Variants in BACH2 observed in about 807,000 individuals in gnomAD.
BACH2 encodes BACH transcriptional regulator 2, also known as transcription regulator protein BACH2.
Under a neutral mutation model 61.8 loss-of-function variants are expected in BACH2, and 5 were observed. That is an observed-to-expected ratio of 0.08 (90% confidence interval 0.04 to 0.17). The LOEUF is 0.17. BACH2 is among the 10% of genes least tolerant of loss of function. The probability of loss-of-function intolerance (pLI) is 1.00; values close to 1 mark genes in which losing one functional copy is unlikely to be tolerated. For missense variants in BACH2, 824 were observed against 1,091.1 expected (o/e 0.76, Z 3.45); for synonymous variants, 446 against 440.1 (o/e 1.01, Z -0.17).
At chr6:90,075,301 G>A (rs1396326921) in intron 5 of BACH2, among the ~76,000 whole-genome samples, 3 of 152,172 alleles carry the variant, frequency 2.0e-5, no homozygotes, top group African/African-American at 7.2e-5. Context: ...AGCAAAGTCT[G>A]TAAGCACAGC....
intron 3 of BACH2, among the ~76,000 whole-genome samples, chr6:90,247,297 G>A (rs1392598998): frequency 6.6e-6 from 1 of 151,026 alleles, no homozygotes; most frequent in Non-Finnish European, 1.5e-5. Context: ...GAGTGCAGTG[G>A]TCATCATAGC....
chr6:90,176,569 C>T (rs1015417684), intron 4 of BACH2, among the ~76,000 whole-genome samples: 1 of 152,106 alleles, frequency 6.6e-6, no homozygotes, highest in African/African-American at 2.4e-5. Context: ...ATCAGGGAAA[C>T]GACACACCGG....
intron 2 of BACH2, among the ~76,000 whole-genome samples, chr6:90,260,940 A>C (rs930015014): frequency 6.6e-6 from 1 of 152,208 alleles, no homozygotes; most frequent in East Asian, 1.9e-4. Context: ...CCTGTGTCCC[A>C]CAGGAATGAG....
At chr6:90,227,292 G>T (rs1273285589) in intron 3 of BACH2, among the ~76,000 whole-genome samples, 1 of 152,180 alleles carries the variant, frequency 6.6e-6, no homozygotes, top group African/African-American at 2.4e-5. Flanking sequence ...GATCCCTCGG[G>T]CGGTATACCA....
At chr6:90,158,422 G>C (rs1785066948) in intron 4 of BACH2, among the ~76,000 whole-genome samples, 1 of 151,652 alleles carries the variant, frequency 6.6e-6, no homozygotes, top group African/African-American at 2.4e-5. Context: ...CGAGAAGAAA[G>C]GCAGGTGTGG....
intron 5 of BACH2, among the ~76,000 whole-genome samples, chr6:90,025,380 G>A (rs1034576177): frequency 4.6e-5 from 7 of 152,122 alleles, no homozygotes; most frequent in Non-Finnish European, 8.8e-5. Flanking sequence ...TCTACTCTTG[G>A]CAAGCCTTCT....
chr6:90,235,881 A>C (rs1470680053), intron 3 of BACH2, among the ~76,000 whole-genome samples: 1 of 152,224 alleles, frequency 6.6e-6, no homozygotes, highest in Non-Finnish European at 1.5e-5. Flanking sequence ...TCCTCTTTTC[A>C]TTGTCAAGAA....
chr6:90,205,538 A>G (rs1440662588), intron 4 of BACH2, among the ~76,000 whole-genome samples: 2 of 152,186 alleles, frequency 1.3e-5, no homozygotes, highest in Non-Finnish European at 2.9e-5. Flanking sequence ...AAAATTCAGA[A>G]GACAGTCTCT....
intron 4 of BACH2, among the ~76,000 whole-genome samples, chr6:90,167,139 C>T (rs1767653776): frequency 1.3e-5 from 2 of 152,260 alleles, no homozygotes; most frequent in Non-Finnish European, 1.5e-5. Flanking sequence ...GAAATTTGTC[C>T]TCTCAAAAAA....
chr6:90,293,850 G>A (rs559102794), intron 1 of BACH2, among the ~76,000 whole-genome samples: 2 of 152,174 alleles, frequency 1.3e-5, no homozygotes, highest in Non-Finnish European at 2.9e-5. Flanking sequence ...TTCATCCAGG[G>A]ATTTCAAGGC....
rs573872276 is a variant in BACH2 at position 90,227,346 on chromosome 6, A to C, written c.-274-20665T>G. Among the ~76,000 whole-genome samples the C allele has an allele frequency of 5.8e-4, 88 of 152,342 alleles. 3 individuals are homozygous for C. The South Asian group carries it at 0.018, about 30-fold the overall frequency. ...GCAGCCAGATCAGCAAATGTGCACA[A>C]GCCTGCACTCCTGTCAAACAATGGG... On this transcript the variant is annotated intron_variant, in intron 3 of 8. Coordinates refer to ENST00000257749, the MANE Select transcript of BACH2 (RefSeq NM_021813.4).
chr6:90,187,981 G>A (rs544033634), intron 4 of BACH2, among the ~76,000 whole-genome samples: 6 of 152,254 alleles, frequency 3.9e-5, no homozygotes, highest in Non-Finnish European at 7.4e-5. Context: ...CTCACTATGC[G>A]GAAAATCACA....
At chr6:90,136,523 C>T (rs1404218567) in intron 4 of BACH2, among the ~76,000 whole-genome samples, 2 of 152,048 alleles carry the variant, frequency 1.3e-5, no homozygotes, top group Non-Finnish European at 2.9e-5. Context: ...TAGAAGGCAC[C>T]CTAGAAACAC....
intron 7 of BACH2, among the ~76,000 whole-genome samples, chr6:89,947,876 T>C (rs555354391): frequency 6.6e-6 from 1 of 152,124 alleles, no homozygotes; most frequent in Non-Finnish European, 1.5e-5. Context: ...CAGCCATGGA[T>C]TCCTTTTTTA....
intron 5 of BACH2, among the ~76,000 whole-genome samples, chr6:90,046,354 G>A (rs867338965): frequency 1.3e-5 from 2 of 152,168 alleles, no homozygotes; most frequent in Admixed American, 6.5e-5. Flanking sequence ...AGTGGCTAAC[G>A]AGACAAATGC....
intron 5 of BACH2, among the ~76,000 whole-genome samples, chr6:90,022,542 C>A (rs1041658624): frequency 2.0e-5 from 3 of 152,202 alleles, no homozygotes; most frequent in Non-Finnish European, 1.5e-5. Flanking sequence ...CAAGATCGTG[C>A]CACTGCACTC....
intron 1 of BACH2, among the ~76,000 whole-genome samples, chr6:90,289,831 T>C (rs907864321): frequency 2.0e-5 from 3 of 152,206 alleles, no homozygotes; most frequent in African/African-American, 7.2e-5. Context: ...ACAGACTATT[T>C]AGACTCACTT....
intron 4 of BACH2, among the ~76,000 whole-genome samples, chr6:90,175,783 A>G (rs1478348757): frequency 6.6e-6 from 1 of 152,160 alleles, no homozygotes; most frequent in Non-Finnish European, 1.5e-5. Context: ...CAGAGATAAC[A>G]AAGAGCCCGG....
At chr6:90,235,578 C>G (rs570874654) in intron 3 of BACH2, among the ~76,000 whole-genome samples, 43 of 152,258 alleles carry the variant, frequency 2.8e-4, no homozygotes, top group Middle Eastern at 3.4e-3. Context: ...TCCCAGCTAC[C>G]TGGGAGGTGG....
Sources: allele counts gnomAD v4.1 joint callset (sites outside exome capture counted in the v4.1 genomes callset), GRCh38; gene constraint gnomAD v4.1.1; transcripts MANE v1.5; gene names NCBI Gene and HGNC (gene_info 2026-07-23, HGNC 2026-07-21).